ZNF620: variants seen among roughly 807,000 people sequenced by gnomAD.
ZNF620 encodes zinc finger protein 620.
Under a neutral mutation model 13.3 loss-of-function variants are expected in ZNF620, and 10 were observed. The observed-to-expected ratio is 0.75, with a 90% CI of 0.46 to 1.28. ZNF620 has a LOEUF of 1.28. ZNF620 is among the 50% of genes most tolerant of loss of function. The probability of loss-of-function intolerance (pLI) is 0.00; values close to 1 mark genes in which losing one functional copy is unlikely to be tolerated. For missense variants in ZNF620, 461 were observed against 500.2 expected (o/e 0.92, Z 0.75); for synonymous variants, 166 against 177.6 (o/e 0.93, Z 0.52).
intron 2 of ZNF620, among the ~76,000 whole-genome samples, chr3:40,506,918 A>G (rs1440925335): frequency 6.6e-6 from 1 of 152,068 alleles, no homozygotes; most frequent in Non-Finnish European, 1.5e-5. Flanking sequence ...TCAATCTTTC[A>G]CACTGAAGAC....
In ZNF620 at chr3:40,506,332, T is replaced by C. The variant is rs770901360; in HGVS notation, c.-21T>C. 6.2e-7 allele frequency: 1 copy of C among 1,614,072 alleles called. No individual in the cohort carries two copies. Among genetic ancestry groups the C allele is most frequent in the Non-Finnish European group, 8.5e-7 (1 of 1,180,006 alleles). On this transcript the variant is annotated 5_prime_UTR_variant, in exon 2 of 5. Transcript: ENST00000314529. ...CACTTCTCCGAACCCTGAGGCAGTG[T>C]GTGAAGCTGGGACGCCAGCCATGTT...
In ZNF620 at chr3:40,516,364, G is replaced by A. The variant is rs1220083530; in HGVS notation, c.770G>A (p.Cys257Tyr). The A allele has an allele frequency of 2.5e-6, 4 of 1,614,250 alleles. No homozygotes were observed. Among genetic ancestry groups the A allele is most frequent in the South Asian group, 1.1e-5 (1 of 91,090 alleles). ...AAGAAACCATTTAAATGTAAAGAAT[G>A]TGGAAAAGGTTTAAGTTCAGACACA... ...TGKKPFKCKE[C>Y]GKGLSSDTAL... Residue 257 changes from cysteine to tyrosine, a missense_variant, in exon 5 of 5, where the codon TGT becomes TAT. Cys to Tyr is a radical substitution (Grantham distance 194). Transcript: ENST00000314529.
intron 2 of ZNF620, among the ~76,000 whole-genome samples, chr3:40,510,849 A>G (rs1309109651): frequency 6.6e-6 from 1 of 152,128 alleles, no homozygotes; most frequent in Admixed American, 6.5e-5. Context: ...CCCCGAGCTC[A>G]GGTGATCCTC....
intron 4 of ZNF620, among the ~76,000 whole-genome samples, chr3:40,513,735 TATATTA>T (rs1698283290): frequency 6.6e-6 from 1 of 151,986 alleles, no homozygotes; most frequent in Non-Finnish European, 1.5e-5. Context: ...GATATGATTA[TATATTA>T]ATATTATTAA....
rs1212657603 is a variant in ZNF620 at position 40,513,302 on chromosome 3, T to TA, written c.265+802dup. Among the ~76,000 whole-genome samples the TA allele has an allele frequency of 7.8e-3, 297 of 37,900 alleles. 10 individuals are homozygous for TA. Among genetic ancestry groups the TA allele is most frequent in the East Asian group, 0.047 (46 of 980 alleles). 24.9% of individuals were successfully genotyped at this position (37,900 alleles called of 152,430 possible). A position where few individuals can be genotyped will look rare whatever the true frequency, so the allele number is the denominator to read the frequency against. ...CAACATGACGAAACCCCGTCTCAAC[T>TA]AAAAAAAAAAAAAAATATATATATA... is the stretch of plus-strand genomic sequence containing the variant. On this transcript the variant is annotated intron_variant, in intron 4 of 4. Transcript: ENST00000314529.
chr3:40,512,300 G>T, intron 3 of ZNF620, 102 bp from the exon 4 acceptor site: 1 of 957,196 alleles, frequency 1.0e-6, no homozygotes, highest in Non-Finnish European at 1.7e-6. Flanking sequence ...GACTCACCTT[G>T]TCTCTCACTA....
At chr3:40,508,066 A>C (rs1450670446) in intron 2 of ZNF620, among the ~76,000 whole-genome samples, 1 of 152,084 alleles carries the variant, frequency 6.6e-6, no homozygotes, top group Non-Finnish European at 1.5e-5. Context: ...TTTATTACTA[A>C]TATTAATGAT....
rs1698433152 is a variant in ZNF620 at position 40,517,607 on chromosome 3, T to A, written c.*744T>A. On this transcript the variant is annotated 3_prime_UTR_variant, in exon 5 of 5. Transcript: ENST00000314529. ...TTCAAGAGCAACCTTCAAAGTCAGA[T>A]GACAATGTGTATGCCTTCAGACTTC... 2.0e-5 allele frequency: 3 copies of A among 152,152 alleles called. No homozygotes were observed. The South Asian group carries it at 6.2e-4, about 32-fold the overall frequency. The allele number at this position is 152,152 out of a possible 1,614,324, so 9.4% of individuals were successfully genotyped here. A position where few individuals can be genotyped will look rare whatever the true frequency, so the allele number is the denominator to read the frequency against.
chr3:40,506,338 G>A lies in ZNF620; in HGVS notation c.-15G>A, dbSNP rs1369924052. On this transcript the variant is annotated 5_prime_UTR_variant, in exon 2 of 5. Transcript: ENST00000314529. ...TCCGAACCCTGAGGCAGTGTGTGAA[G>A]CTGGGACGCCAGCCATGTTCCAGAC... is the stretch of plus-strand genomic sequence containing the variant. 24 of 1,614,088 alleles carry A rather than the reference G, an allele frequency of 1.5e-5. No homozygotes were observed. Among genetic ancestry groups the A allele is most frequent in the Non-Finnish European group, 2.0e-5 (24 of 1,180,010 alleles).
Position 40,516,092 on chromosome 3 carries a change from T to C in ZNF620, c.498T>C (p.Asn166=), listed in dbSNP as rs1297156784. 1 of 1,613,996 alleles carries C rather than the reference T, an allele frequency of 6.2e-7. No homozygotes were observed. ...ARHHEAYEVK[N]GEKFEKLGKN... is the part of the protein sequence containing the mutation. Reference sequence around the variant, plus strand: ...ACCATGAGGCCTATGAGGTCAAGAATGGAGAGAAGTTTGAGAAATTAGGAA... The same window carrying C: ...ACCATGAGGCCTATGAGGTCAAGAACGGAGAGAAGTTTGAGAAATTAGGAA... The change falls in exon 5 of 5, where the codon AAT becomes AAC. Residue 166 remains asparagine, a synonymous_variant. Coordinates refer to ENST00000314529, the MANE Select transcript of ZNF620 (RefSeq NM_175888.4).
At position 40,517,002 on chromosome 3, in the gene ZNF620, T is replaced by G; in HGVS notation, c.*139T>G. ...CTTCTTTAAGTTTTTTGAACCTGTT[T>G]CCCCAACATGAAGTCTCTTTATGGT... On this transcript the variant is annotated 3_prime_UTR_variant, in exon 5 of 5. Coordinates refer to ENST00000314529, the MANE Select transcript of ZNF620 (RefSeq NM_175888.4). 1.1e-6 allele frequency: 1 copy of G among 896,996 alleles called. No individual in the cohort carries two copies. Among genetic ancestry groups the G allele is most frequent in the Non-Finnish European group, 1.6e-6 (1 of 612,612 alleles). 55.6% of individuals were successfully genotyped at this position (896,996 alleles called of 1,614,324 possible). A position where few individuals can be genotyped will look rare whatever the true frequency, so the allele number is the denominator to read the frequency against.
rs1698433019 is a variant in ZNF620 at position 40,517,603 on chromosome 3, CAG to C, written c.*742_*743del. ...ATTTTTCAAGAGCAACCTTCAAAGT[CAG>C]ATGACAATGTGTATGCCTTCAGACT... On this transcript the variant is annotated 3_prime_UTR_variant, in exon 5 of 5. Coordinates refer to ENST00000314529, the MANE Select transcript of ZNF620 (RefSeq NM_175888.4). 6.6e-6 allele frequency: 1 copy of C among 152,150 alleles called. No individual in the cohort carries two copies. Among genetic ancestry groups the C allele is most frequent in the South Asian group, 2.1e-4 (1 of 4,824 alleles). The allele number at this position is 152,150 out of a possible 1,614,324, so 9.4% of individuals were successfully genotyped here. A position where few individuals can be genotyped will look rare whatever the true frequency, so the allele number is the denominator to read the frequency against.
At position 40,514,020 on chromosome 3, in the gene ZNF620, C is replaced by T. The variant is rs541040976; in HGVS notation, c.265+1505C>T. ...TAGCGCCAGTGCCTGGGAAGGCACC[C>T]GTTACTTAGCAGACCGGGAAAGGGA... On this transcript the variant is annotated intron_variant, in intron 4 of 4. Coordinates refer to ENST00000314529, the MANE Select transcript of ZNF620 (RefSeq NM_175888.4). 2.2e-4 allele frequency among the ~76,000 whole-genome samples: 33 copies of T among 152,134 alleles called. No homozygotes were observed. The East Asian group carries it at 6.2e-3, about 29-fold the overall frequency.
Position 40,511,605 on chromosome 3 carries a change from TTTC to T in ZNF620, c.151+15_151+17del. The T allele has an allele frequency of 6.2e-7, 1 of 1,611,800 alleles. No homozygotes were observed. Among genetic ancestry groups the T allele is most frequent in the Non-Finnish European group, 8.5e-7 (1 of 1,179,060 alleles). On this transcript the variant is annotated intron_variant, in intron 3 of 4. Transcript: ENST00000314529. ...AAATGTGGCTTCCCTGGGTAAGACA[TTTC>T]TTCTTGTTTTTGGCCTCTGCCCTTT...
chr3:40,513,258 A>T (rs758020796), intron 4 of ZNF620, among the ~76,000 whole-genome samples: 5 of 146,696 alleles, frequency 3.4e-5, no homozygotes, highest in Non-Finnish European at 6.0e-5. Context: ...TGAGGCCAGG[A>T]GTTCAAGACC....
At chr3:40,513,316 AATATATATATATATATATATATATAT>A (rs71618944) in intron 4 of ZNF620, among the ~76,000 whole-genome samples, 14 of 62,684 alleles carry the variant, frequency 2.2e-4, no homozygotes, top group Non-Finnish European at 3.5e-4. Context: ...AAAAAAAAAA[AATATATATATATATATATATATATAT>A]ATATATATAT....
chr3:40,515,781 TGTG>T (rs1559551873), intron 4 of ZNF620, 76 bp from the exon 5 acceptor site: 18 of 25,632 alleles, frequency 7.0e-4, no homozygotes, highest in South Asian at 1.1e-3. Flanking sequence ...GCACAGATAT[TGTG>T]TGTGTGTGTG....
At position 40,517,390 on chromosome 3, in the gene ZNF620, A is replaced by AC. The variant is rs1698426434; in HGVS notation, c.*528dup. 6.6e-6 allele frequency: 1 copy of AC among 151,188 alleles called. No homozygotes were observed. The highest frequency in any genetic ancestry group is 2.4e-5 in the African/African-American group (1 of 40,820). 9.4% of individuals were successfully genotyped at this position (151,188 alleles called of 1,614,324 possible). A position where few individuals can be genotyped will look rare whatever the true frequency, so the allele number is the denominator to read the frequency against. The stretch of plus-strand genomic sequence containing the variant: ...ACCCCGTCTCTCCTGAAAAAAAAAA[A>AC]CACAAAAATTAGCCAGGCATGGTGG... On this transcript the variant is annotated 3_prime_UTR_variant, in exon 5 of 5. Transcript: ENST00000314529.
intron 2 of ZNF620, among the ~76,000 whole-genome samples, chr3:40,509,223 T>C (rs963257073): frequency 6.6e-6 from 1 of 152,076 alleles, no homozygotes; most frequent in Non-Finnish European, 1.5e-5. Flanking sequence ...TTTTTCTATT[T>C]TCTTTCTTTT....
Sources: allele counts gnomAD v4.1 joint callset (sites outside exome capture counted in the v4.1 genomes callset), GRCh38; gene constraint gnomAD v4.1.1; transcripts MANE v1.5; gene names NCBI Gene and HGNC (gene_info 2026-07-23, HGNC 2026-07-21).